GLT8D2: variants seen among roughly 807,000 people sequenced by gnomAD.
The protein encoded by GLT8D2 is glycosyltransferase 8 domain-containing protein 2.
Under a neutral mutation model 44.5 loss-of-function variants are expected in GLT8D2, and 45 were observed. The ratio of observed to expected loss-of-function variants is 1.01; its 90% CI spans 0.80 to 1.30. The LOEUF is 1.30. Among genes scored for constraint, GLT8D2 ranks in the 50% most tolerant of loss-of-function variants. GLT8D2 has a pLI of 0.00. For missense variants in GLT8D2, 400 were observed against 430.4 expected (o/e 0.93, Z 0.62); for synonymous variants, 156 against 157.2 (o/e 0.99, Z 0.06).
chr12:104,062,861 TCC>T (rs893430524), intron 1 of GLT8D2, among the ~76,000 whole-genome samples: 6 of 151,986 alleles, frequency 3.9e-5, no homozygotes, highest in African/African-American at 1.5e-4. Flanking sequence ...AGACCAGGGG[TCC>T]CCAGTCCCCA....
At chr12:104,003,876 C>T (rs1467089345) in intron 4 of GLT8D2, among the ~76,000 whole-genome samples, 3 of 152,102 alleles carry the variant, frequency 2.0e-5, no homozygotes, top group African/African-American at 7.2e-5. Context: ...TAGAAATTCT[C>T]GAGTTTGCAG....
intron 1 of GLT8D2, among the ~76,000 whole-genome samples, chr12:104,045,919 GAAAGAAAGAAAGAAAGAA>G (rs1231217416): frequency 5.2e-5 from 7 of 134,474 alleles, no homozygotes; most frequent in South Asian, 2.6e-4. Flanking sequence ...AAGAAAGAAA[GAAAGAAAGAAAGAAAGAA>G]AAAGAAAGAA....
At chr12:104,018,223 C>T (rs180946966) in intron 3 of GLT8D2, among the ~76,000 whole-genome samples, 17 of 152,072 alleles carry the variant, frequency 1.1e-4, no homozygotes, top group Admixed American at 1.3e-4. Context: ...CCACCTGCCT[C>T]GGCCTCCCAA....
chr12:104,030,656 T>C (rs1879132216), intron 1 of GLT8D2: 6 of 1,437,152 alleles, frequency 4.2e-6, no homozygotes, highest in African/African-American at 1.4e-5. Context: ...GAAGTTAATA[T>C]CCAAAATATA....
intron 1 of GLT8D2, among the ~76,000 whole-genome samples, chr12:104,024,409 G>A (rs144360082): frequency 3.2e-4 from 48 of 152,058 alleles, no homozygotes; most frequent in African/African-American, 1.1e-3. Context: ...CTCCAGCCCC[G>A]GTGACAGAGA....
At chr12:104,033,771 T>A (rs1401126097) in intron 1 of GLT8D2, among the ~76,000 whole-genome samples, 1 of 146,438 alleles carries the variant, frequency 6.8e-6, no homozygotes, top group African/African-American at 2.6e-5. Flanking sequence ...AATATATATA[T>A]ATGTGTGTGT....
intron 8 of GLT8D2, 108 bp downstream of exon 8, chr12:103,996,627 C>T: frequency 1.3e-6 from 1 of 761,566 alleles, no homozygotes; most frequent in Non-Finnish European, 2.2e-6. Flanking sequence ...CCAGACTGGC[C>T]CATAAGGTTT....
chr12:104,024,723 G>T (rs1005636384), intron 1 of GLT8D2, among the ~76,000 whole-genome samples: 4 of 152,054 alleles, frequency 2.6e-5, no homozygotes, highest in African/African-American at 7.2e-5. Context: ...CATTTTTATA[G>T]AATTATTTTC....
chr12:104,052,631 T>C (rs1881816788), upstream of GLT8D2, among the ~76,000 whole-genome samples: 7 of 152,206 alleles, frequency 4.6e-5, no homozygotes, highest in Admixed American at 4.6e-4. Context: ...TTGACTGCCC[T>C]GTGTTCCCTT....
chr12:103,996,863 C>T lies in GLT8D2; in HGVS notation c.488-16G>A, dbSNP rs1439290793. On this transcript the variant is annotated splice_polypyrimidine_tract_variant and intron_variant, in intron 7 of 10. Transcript: ENST00000360814. The stretch of plus-strand genomic sequence containing the variant: ...TGGATATCACCTGAATTTAGAAACA[C>T]CACCAAGTAAAACATTATAGCATTT... 2.6e-6 allele frequency: 4 copies of T among 1,562,310 alleles called. No individual in the cohort carries two copies. Among genetic ancestry groups the T allele is most frequent in the Non-Finnish European group, 3.5e-6 (4 of 1,135,402 alleles).
chr12:104,012,969 C>A, intron 4 of GLT8D2: 1 of 558,502 alleles, frequency 1.8e-6, no homozygotes, highest in South Asian at 2.5e-5. Flanking sequence ...AAAACCTGCT[C>A]ACACCTTGAT....
intron 1 of GLT8D2, among the ~76,000 whole-genome samples, chr12:104,028,330 G>C (rs555677833): frequency 3.3e-5 from 5 of 151,950 alleles, no homozygotes; most frequent in African/African-American, 4.8e-5. Flanking sequence ...ATAAAGATTT[G>C]GCATGCCTGA....
intron 1 of GLT8D2, among the ~76,000 whole-genome samples, chr12:104,023,801 G>A (rs1421328014): frequency 3.9e-5 from 6 of 152,140 alleles, no homozygotes; most frequent in African/African-American, 1.2e-4. Flanking sequence ...AATATTTTGC[G>A]AGACTTTCTT....
chr12:103,994,809 C>G (rs1378485907), intron 8 of GLT8D2, among the ~76,000 whole-genome samples: 1 of 152,136 alleles, frequency 6.6e-6, no homozygotes, highest in Non-Finnish European at 1.5e-5. Flanking sequence ...TCTGGACTTC[C>G]AACTCCTGCT....
At chr12:103,990,440 T>C (rs1001884461) in intron 10 of GLT8D2, among the ~76,000 whole-genome samples, 42 of 152,164 alleles carry the variant, frequency 2.8e-4, no homozygotes, top group African/African-American at 9.2e-4. Flanking sequence ...GCATTTACCC[T>C]AACAGTGCCA....
At chr12:104,011,322 A>T (rs1410266338) in intron 4 of GLT8D2, among the ~76,000 whole-genome samples, 1 of 152,268 alleles carries the variant, frequency 6.6e-6, no homozygotes, top group East Asian at 1.9e-4. Context: ...GCCTAACAAA[A>T]ATAGTAAACA....
intron 10 of GLT8D2, among the ~76,000 whole-genome samples, chr12:103,991,165 T>C (rs1030905257): frequency 6.6e-6 from 1 of 152,188 alleles, no homozygotes; most frequent in African/African-American, 2.4e-5. Context: ...TGTCCCTTCC[T>C]ACTTGTCAGT....
chr12:104,028,578 A>G (rs1490126513), intron 1 of GLT8D2, among the ~76,000 whole-genome samples: 2 of 152,206 alleles, frequency 1.3e-5, no homozygotes, highest in African/African-American at 4.8e-5. Context: ...TAAGAACCAT[A>G]TAAGAACCCC....
chr12:104,021,977 G>A (rs28704524), intron 1 of GLT8D2, among the ~76,000 whole-genome samples: 424 of 21,000 alleles, frequency 0.02, 56 homozygotes, highest in Non-Finnish European at 0.024. Flanking sequence ...AAGAGGAAGA[G>A]GAAGAGGAAG....
Sources: gnomAD v4.1 joint callset for allele counts (sites outside exome capture counted in the v4.1 genomes callset) on GRCh38, gnomAD v4.1.1 for gene constraint, MANE v1.5 for transcripts, NCBI Gene and HGNC (gene_info 2026-07-23, HGNC 2026-07-21) for gene names.